TMCO5A: variants seen among roughly 807,000 people sequenced by gnomAD.
TMCO5A encodes transmembrane and coiled-coil domains 5A, also known as transmembrane and coiled-coil domain-containing protein 5A.
Under a neutral mutation model 42.3 loss-of-function variants are expected in TMCO5A, and 34 were observed. The ratio of observed to expected loss-of-function variants is 0.80; its 90% CI spans 0.61 to 1.07. The LOEUF is 1.07. TMCO5A is among the 50% of genes least tolerant of loss of function. The pLI, the probability that TMCO5A is intolerant of heterozygous loss-of-function variation, is 0.00. For synonymous variants in TMCO5A, 131 were observed against 115.6 expected, an observed-to-expected ratio of 1.13 and a Z score of -0.86; for missense variants, 357 against 327.9, an observed-to-expected ratio of 1.09 and a Z score of -0.69.
chr15:38,015,344 C>T, the TMCO5A span, among the ~76,000 whole-genome samples: 1 of 152,126 alleles, frequency 6.6e-6, no homozygotes, highest in Non-Finnish European at 1.5e-5. Context: ...CACTAACCAC[C>T]ATTTAATGAT....
At chr15:37,936,541 T>A (rs1404677189) in intron 3 of TMCO5A, 78 bp downstream of exon 3, 16 of 1,521,810 alleles carry the variant, frequency 1.1e-5, no homozygotes, top group Non-Finnish European at 1.3e-5. Context: ...TGAATTTTCC[T>A]GCTTGTTCTA....
intron 7 of TMCO5A, among the ~76,000 whole-genome samples, chr15:37,941,451 C>T (rs1333741766): frequency 6.6e-6 from 1 of 152,082 alleles, no homozygotes; most frequent in African/African-American, 2.4e-5. Flanking sequence ...ATCTATTCCT[C>T]TCCCAACTGC....
At chr15:37,985,887 A>T in the TMCO5A span, among the ~76,000 whole-genome samples, 84 of 152,014 alleles carry the variant, frequency 5.5e-4, no homozygotes, top group Admixed American at 1.4e-3. Flanking sequence ...CTTTTTTTTT[A>T]AAATTAACTT....
At chr15:37,974,880 G>T in the TMCO5A span, among the ~76,000 whole-genome samples, 1 of 152,114 alleles carries the variant, frequency 6.6e-6, no homozygotes, top group Non-Finnish European at 1.5e-5. Flanking sequence ...GGCATTTAAT[G>T]CTATAAATTT....
chr15:37,967,872 C>T (rs1890593113), downstream of TMCO5A: 1 of 152,134 alleles, frequency 6.6e-6, no homozygotes, highest in South Asian at 2.1e-4. Flanking sequence ...CTCCTTGGTC[C>T]ACTGCCATTG....
chr15:37,980,483 C>T, the TMCO5A span, among the ~76,000 whole-genome samples: 1 of 152,072 alleles, frequency 6.6e-6, no homozygotes, highest in African/African-American at 2.4e-5. Flanking sequence ...CTCTCTTCTC[C>T]GTTCTCCATG....
rs184401346 is a variant in TMCO5A at position 37,942,956 on chromosome 15, T to C, written c.570-385T>C. 3.5e-4 allele frequency: 55 copies of C among 157,360 alleles called. No individual in the cohort carries two copies. The East Asian group carries it at 9.5e-3, about 27-fold the overall frequency. The allele number at this position is 157,360 out of a possible 1,614,324, so 9.7% of individuals were successfully genotyped here. ...CAAGAGATCAAAACTGCATATAGCC[T>C]CTCTCTATATATATATAGTCCAGGG... On this transcript the variant is annotated intron_variant, in intron 9 of 11. Transcript: ENST00000319669.
the TMCO5A span, among the ~76,000 whole-genome samples, chr15:37,978,398 T>C: frequency 1.3e-5 from 2 of 152,012 alleles, no homozygotes; most frequent in African/African-American, 4.8e-5. Context: ...CTACTACCAG[T>C]GGGAATGCGC....
At position 37,951,119 on chromosome 15, in the gene TMCO5A, C is replaced by T. The variant is rs1259708993; in HGVS notation, c.752C>T (p.Pro251Leu). Residue 251 changes from proline to leucine, a missense_variant, in exon 12 of 12, where the codon CCA (proline) becomes CTA (leucine). Coordinates refer to ENST00000319669, the MANE Select transcript of TMCO5A (RefSeq NM_152453.4). ...TTTTTTCATGTAAGATTCATAAATC[C>T]AGATCTCCTCGTCAATGTACTGCCC... ...YMFFHVRFIN[P>L]DLLVNVLPKV... The T allele has an allele frequency of 6.2e-7, 1 of 1,613,572 alleles. No individual in the cohort carries two copies. The highest frequency in any genetic ancestry group is 1.1e-5 in the South Asian group (1 of 91,058).
At chr15:37,935,919 G>C (rs1200680862) in intron 2 of TMCO5A, 1 of 152,802 alleles carries the variant, frequency 6.5e-6, no homozygotes, top group Non-Finnish European at 1.5e-5. Context: ...TGATATGCCA[G>C]GTGCTTAGAT....
chr15:38,031,491 G>C, the TMCO5A span, among the ~76,000 whole-genome samples: 1 of 152,152 alleles, frequency 6.6e-6, no homozygotes, highest in East Asian at 1.9e-4. Flanking sequence ...CTTGAGGATT[G>C]CTTACTCTAC....
At chr15:37,971,191 G>A (rs1277848766), downstream of TMCO5A, among the ~76,000 whole-genome samples, 1 of 152,204 alleles carries the variant, frequency 6.6e-6, no homozygotes, top group African/African-American at 2.4e-5. Flanking sequence ...AATCTAGGCA[G>A]AGGTTCTCAA....
the TMCO5A span, among the ~76,000 whole-genome samples, chr15:37,992,789 TA>T: frequency 3.2e-4 from 49 of 152,226 alleles, no homozygotes; most frequent in South Asian, 7.9e-3. Flanking sequence ...AAGTGGGAGC[TA>T]AATTATGAGA....
intron 11 of TMCO5A, among the ~76,000 whole-genome samples, chr15:37,962,636 T>C (rs912229322): frequency 6.6e-6 from 1 of 152,152 alleles, no homozygotes; most frequent in African/African-American, 2.4e-5. Flanking sequence ...TTTGAATGTC[T>C]TGTAGAATTC....
At chr15:38,031,449 C>G in the TMCO5A span, among the ~76,000 whole-genome samples, 1 of 152,158 alleles carries the variant, frequency 6.6e-6, no homozygotes, top group Non-Finnish European at 1.5e-5. Flanking sequence ...GCACTCAGGT[C>G]ATAAAAGCCA....
the TMCO5A span, among the ~76,000 whole-genome samples, chr15:38,027,638 G>C: frequency 1.3e-5 from 2 of 152,054 alleles, no homozygotes; most frequent in African/African-American, 4.8e-5. Context: ...ATTTGGGTGG[G>C]GCCAGGGGCA....
chr15:37,972,811 T>C, the TMCO5A span, among the ~76,000 whole-genome samples: 3 of 152,186 alleles, frequency 2.0e-5, no homozygotes, highest in Non-Finnish European at 2.9e-5. Context: ...TTTTGGGTTT[T>C]GTTGCAATTG....
the TMCO5A span, among the ~76,000 whole-genome samples, chr15:38,022,143 A>G: frequency 2.6e-5 from 4 of 152,288 alleles, no homozygotes; most frequent in Admixed American, 2.6e-4. Context: ...CGCTTATCAT[A>G]CCATTCAGCA....
chr15:38,028,731 T>C, the TMCO5A span, among the ~76,000 whole-genome samples: 2 of 152,226 alleles, frequency 1.3e-5, no homozygotes, highest in East Asian at 3.9e-4. Flanking sequence ...CAAGGGCAGA[T>C]AGTGTCTGAA....
Sources: gnomAD v4.1 joint callset for allele counts (sites outside exome capture counted in the v4.1 genomes callset) on GRCh38, gnomAD v4.1.1 for gene constraint, MANE v1.5 for transcripts, NCBI Gene and HGNC (gene_info 2026-07-23, HGNC 2026-07-21) for gene names.